ECE1: variants seen among roughly 807,000 people sequenced by gnomAD.
ECE1 encodes endothelin converting enzyme 1.
Under a neutral mutation model 98.6 loss-of-function variants are expected in ECE1, and 35 were observed. That is an observed-to-expected ratio of 0.35 (90% CI 0.27 to 0.47). ECE1 has a LOEUF of 0.47. Ranked by LOEUF, ECE1 falls within the 20% of genes least tolerant of loss-of-function variation. ECE1 has a pLI of 1.00. For missense variants in ECE1, 814 were observed against 1,025.3 expected, an observed-to-expected ratio of 0.79 and a Z score of 2.81; for synonymous variants, 394 against 407.1, an observed-to-expected ratio of 0.97 and a Z score of 0.39.
intron 4 of ECE1, among the ~76,000 whole-genome samples, chr1:21,265,593 T>C (rs1299394487): frequency 6.6e-6 from 1 of 152,102 alleles, no homozygotes; most frequent in Non-Finnish European, 1.5e-5. Context: ...AAAAGGTCTC[T>C]AGGACTGTGC....
intron 3 of ECE1, among the ~76,000 whole-genome samples, chr1:21,273,650 C>A (rs2098243144): frequency 6.6e-6 from 1 of 152,064 alleles, no homozygotes; most frequent in Non-Finnish European, 1.5e-5. Flanking sequence ...GAGTGAGTGA[C>A]CTCAGGGAAT....
intron 10 of ECE1, among the ~76,000 whole-genome samples, chr1:21,243,340 C>G (rs2098198976): frequency 6.6e-6 from 1 of 151,632 alleles, no homozygotes; most frequent in East Asian, 1.9e-4. Context: ...AATATCAGAT[C>G]TGGGATTTTC....
chr1:21,332,132 G>A (rs1005505329), intron 1 of ECE1, among the ~76,000 whole-genome samples: 1 of 152,150 alleles, frequency 6.6e-6, no homozygotes, highest in Non-Finnish European at 1.5e-5. Context: ...AGGGTTGTGG[G>A]AAATATCTGC....
At chr1:21,238,067 C>A in intron 11 of ECE1, 67 bp downstream of exon 11, 1 of 1,458,816 alleles carries the variant, frequency 6.9e-7, no homozygotes, top group Non-Finnish European at 9.6e-7. Flanking sequence ...GGAGTGTGAA[C>A]TGGCAGGTCT....
At chr1:21,238,952 C>G (rs1213005153) in intron 10 of ECE1, among the ~76,000 whole-genome samples, 1 of 151,890 alleles carries the variant, frequency 6.6e-6, no homozygotes, top group Admixed American at 6.6e-5. Context: ...GTAGCTGGGA[C>G]AACAGGTGCA....
At chr1:21,339,292 C>G (rs1639358571) in intron 1 of ECE1, among the ~76,000 whole-genome samples, 1 of 152,198 alleles carries the variant, frequency 6.6e-6, no homozygotes. Context: ...GCATTTGAGC[C>G]TGGCCAGTGT....
Position 21,233,614 on chromosome 1 carries a change from G to C in ECE1, c.1614C>G (p.Phe538Leu). 1 of 1,613,992 alleles carries C rather than the reference G, an allele frequency of 6.2e-7. No individual in the cohort carries two copies. The highest frequency in any genetic ancestry group is 8.5e-7 in the Non-Finnish European group (1 of 1,179,972). ...CGGCAGTGACCCTCCATGAGAAGTT[G>C]AAAAACCGCATGGCATTTTCAAAGT... ...DLYFENAMRF[F>L]NFSWRVTADQ... The change falls in exon 14 of 19, where the codon TTC (phenylalanine) becomes TTG (leucine). Residue 538 changes from phenylalanine (F) to leucine (L), a missense_variant. Phe to Leu is a conservative substitution (Grantham distance 22, BLOSUM62 0). Transcript: ENST00000374893. This position sits in a 1 kb window ranked among gnomAD's most constrained non-coding sequence, Gnocchi z 4.0.
intron 17 of ECE1, 118 bp from the exon 18 acceptor site, chr1:21,221,960 C>G: frequency 1.1e-6 from 1 of 893,470 alleles, no homozygotes; most frequent in Non-Finnish European, 1.9e-6. Flanking sequence ...TTCTGGGGAT[C>G]TGGGCCTGGG....
At chr1:21,334,855 C>T (rs531586604) in intron 1 of ECE1, among the ~76,000 whole-genome samples, 23 of 152,266 alleles carry the variant, frequency 1.5e-4, no homozygotes, top group African/African-American at 5.3e-4. Flanking sequence ...TCAGGACAGA[C>T]GAATATCCTG....
chr1:21,317,708 G>A (rs937124279), intron 1 of ECE1, among the ~76,000 whole-genome samples: 4 of 152,140 alleles, frequency 2.6e-5, no homozygotes, highest in African/African-American at 9.7e-5. Flanking sequence ...AGTTCTCTTC[G>A]GCCTCTCCTG....
chr1:21,260,456 A>T lies in ECE1; in HGVS notation c.494-64T>A. The T allele has an allele frequency of 6.2e-7, 1 of 1,600,880 alleles. No individual in the cohort carries two copies. The highest frequency in any genetic ancestry group is 8.6e-7 in the Non-Finnish European group (1 of 1,168,706). ...CTTGCCCACTGGGTGGCTTTGGGGC[A>T]GTCCCTCTTTTCGGAGCCTTGGTGT... On this transcript the variant is annotated intron_variant, in intron 4 of 18. Coordinates refer to ENST00000374893, the MANE Select transcript of ECE1 (RefSeq NM_001397.3). This position sits in a 1 kb window ranked among gnomAD's most constrained non-coding sequence, Gnocchi z 4.3.
At chr1:21,270,376 G>A (rs1161158974) in intron 4 of ECE1, among the ~76,000 whole-genome samples, 1 of 152,236 alleles carries the variant, frequency 6.6e-6, no homozygotes, top group Non-Finnish European at 1.5e-5. Flanking sequence ...TGCGCCCCCT[G>A]CAGGTTCTTG....
Position 21,322,429 on chromosome 1 carries a change from T to C in ECE1, c.3+22947A>G, listed in dbSNP as rs1288672996. On this transcript the variant is annotated intron_variant, in intron 1 of 18. Coordinates refer to the ECE1 transcript ENST00000415912. The surrounding 1 kb of genome is among the most constrained non-coding windows in gnomAD (Gnocchi z 4.1). ...AGGCAGCCTGGCTGCACAGTTGCCA[T>C]GGAAACACCAGTGGGTTCTTTGGGG... Among the ~76,000 whole-genome samples the C allele has an allele frequency of 6.6e-5, 10 of 152,180 alleles. No homozygotes were observed. The highest frequency in any genetic ancestry group is 2.2e-4 in the African/African-American group (9 of 41,456).
intron 16 of ECE1, among the ~76,000 whole-genome samples, chr1:21,226,160 T>C (rs2098173966): frequency 6.6e-6 from 1 of 152,004 alleles, no homozygotes; most frequent in Non-Finnish European, 1.5e-5. Context: ...ATGAGGAGGA[T>C]TTTGGACATT....
chr1:21,279,515 A>C, intron 2 of ECE1, 183 bp from the exon 3 acceptor site: 1 of 1,474,120 alleles, frequency 6.8e-7, no homozygotes. Flanking sequence ...CACCCTGCTC[A>C]GCTGCTCGGA....
intron 4 of ECE1, among the ~76,000 whole-genome samples, chr1:21,271,182 A>AGCT (rs976744943): frequency 2.0e-5 from 3 of 152,158 alleles, no homozygotes; most frequent in Admixed American, 6.6e-5. Context: ...GGCTGAAGGC[A>AGCT]GCTGCTGCTG....
At chr1:21,298,238 C>T (rs2103374039) in intron 1 of ECE1, 1 of 166,482 alleles carries the variant, frequency 6.0e-6, no homozygotes, top group South Asian at 1.4e-4. Flanking sequence ...TAAACCCTCC[C>T]TCCCGACTCC....
In ECE1 at chr1:21,290,061, G is replaced by T. The variant is rs1361221003; in HGVS notation, c.138+9C>A. On this transcript the variant is annotated intron_variant, in intron 2 of 18. Coordinates refer to ENST00000374893, the MANE Select transcript of ECE1 (RefSeq NM_001397.3). This position sits in a 1 kb window ranked among gnomAD's most constrained non-coding sequence, Gnocchi z 7.3. ...GCCTGGACCTCGGGAGGGAGCGGAG[G>T]GCGCCTACCTGCAGGCCGTTGGGGT... 2 of 1,469,382 alleles carry T rather than the reference G, an allele frequency of 1.4e-6. No homozygotes were observed. The highest frequency in any genetic ancestry group is 1.8e-6 in the Non-Finnish European group (2 of 1,102,568). The allele number at this position is 1,469,382 out of a possible 1,614,324, so 91.0% of individuals were successfully genotyped here.
chr1:21,341,561 C>T (rs1639399230), intron 1 of ECE1, among the ~76,000 whole-genome samples: 1 of 152,256 alleles, frequency 6.6e-6, no homozygotes, highest in South Asian at 2.1e-4. Context: ...TTCCCCTGGC[C>T]TCCCCAACTC....
Sources: gnomAD v4.1 joint callset for allele counts (sites outside exome capture counted in the v4.1 genomes callset) on GRCh38, gnomAD v4.1.1 for gene constraint, Gnocchi (gnomAD v3.1) non-coding constraint, MANE v1.5 for transcripts, NCBI Gene and HGNC (gene_info 2026-07-23, HGNC 2026-07-21) for gene names.